Variants in PTPRM observed in about 807,000 individuals in gnomAD.
PTPRM encodes the protein protein tyrosine phosphatase receptor type M, also known as receptor-type tyrosine-protein phosphatase mu.
Under a neutral mutation model 186.7 loss-of-function variants are expected in PTPRM, and 47 were observed. The observed-to-expected ratio is 0.25, with a 90% CI of 0.20 to 0.32. The LOEUF (loss-of-function observed/expected upper bound fraction) is 0.32, where lower values mean the gene tolerates loss of function less well. Ranked by LOEUF, PTPRM falls within the 10% of genes least tolerant of loss-of-function variation. PTPRM has a pLI of 1.00. For missense variants in PTPRM, 1,494 were observed against 1,865.0 expected (o/e 0.80, Z 3.66); for synonymous variants, 668 against 674.9 (o/e 0.99, Z 0.16).
In PTPRM at chr18:8,063,915, C is replaced by G. The variant is rs536999763; in HGVS notation, c.1133-5771C>G. 1.4e-3 allele frequency among the ~76,000 whole-genome samples: 213 copies of G among 152,248 alleles called. 2 individuals carry two copies. In the South Asian group the frequency reaches 0.015, roughly 10 times the overall value. Reference sequence around the variant, plus strand: ...AAAGCATTTGGACATACTGCATTACCTAACATTCAACATTACCTAACACCA... The same window carrying G: ...AAAGCATTTGGACATACTGCATTACGTAACATTCAACATTACCTAACACCA... On this transcript the variant is annotated intron_variant, in intron 7 of 32. Coordinates refer to ENST00000580170, the MANE Select transcript of PTPRM (RefSeq NM_001105244.2).
At chr18:7,597,923 G>A (rs144626747) in intron 1 of PTPRM, among the ~76,000 whole-genome samples, 36 of 152,224 alleles carry the variant, frequency 2.4e-4, no homozygotes, top group African/African-American at 7.9e-4. Context: ...CATCTGTCAG[G>A]CCATTTATAA....
At position 8,222,664 on chromosome 18, in the gene PTPRM, A is replaced by G. The variant is rs143331630; in HGVS notation, c.2301-21394A>G. On this transcript the variant is annotated intron_variant, in intron 14 of 32. Transcript: ENST00000580170. Reference sequence around the variant, plus strand: ...TTTCCTAAAATGTAATGTCTGTCATATTATTCTCCTGCTCAGCAGGACTTT... The same window carrying G: ...TTTCCTAAAATGTAATGTCTGTCATGTTATTCTCCTGCTCAGCAGGACTTT... Among the ~76,000 whole-genome samples, 774 of 152,332 alleles carry G rather than the reference A, an allele frequency of 5.1e-3. 5 individuals carry two copies. The highest frequency in any genetic ancestry group is 7.9e-3 in the Non-Finnish European group (537 of 68,026).
chr18:8,374,914 A>G (rs2095685782), intron 24 of PTPRM, among the ~76,000 whole-genome samples: 1 of 152,232 alleles, frequency 6.6e-6, no homozygotes, highest in Non-Finnish European at 1.5e-5. Context: ...GAAAGTGATG[A>G]GGTTAATGAG....
intron 1 of PTPRM, among the ~76,000 whole-genome samples, chr18:7,752,145 T>A (rs2041247934): frequency 6.6e-6 from 1 of 152,200 alleles, no homozygotes; most frequent in South Asian, 2.1e-4. Flanking sequence ...CAGAATTAAT[T>A]AAATGTTTTT....
At chr18:8,151,706 A>AC (rs1050312833) in intron 14 of PTPRM, among the ~76,000 whole-genome samples, 2 of 151,252 alleles carry the variant, frequency 1.3e-5, no homozygotes, top group African/African-American at 4.9e-5. Context: ...AAAAAAAAAA[A>AC]AAAAAACTCC....
chr18:8,069,792 T>C lies in PTPRM; in HGVS notation c.1239T>C (p.Tyr413=). ...FGYNVTRCHS[Y]NLTVHYCYQV... Reference sequence around the variant, plus strand: ...ATAATGTAACTCGTTGCCACAGTTATAATCTCACTGTCCACTACTGTTACC... The same window carrying C: ...ATAATGTAACTCGTTGCCACAGTTACAATCTCACTGTCCACTACTGTTACC... The change falls in exon 8 of 33, where the codon TAT becomes TAC. Residue 413 remains tyrosine, a synonymous_variant. Transcript: ENST00000580170. 2 of 1,613,860 alleles carry C rather than the reference T, an allele frequency of 1.2e-6. No homozygotes were observed. Among genetic ancestry groups the C allele is most frequent in the East Asian group, 2.2e-5 (1 of 44,870 alleles).
At chr18:8,349,006 C>T (rs1377654403) in intron 23 of PTPRM, among the ~76,000 whole-genome samples, 6 of 152,124 alleles carry the variant, frequency 3.9e-5, no homozygotes, top group African/African-American at 1.4e-4. Context: ...ACCCAAGGAG[C>T]CTGCCCTAAA....
intron 28 of PTPRM, among the ~76,000 whole-genome samples, chr18:8,379,620 G>C (rs2095718886): frequency 6.6e-6 from 1 of 152,208 alleles, no homozygotes; most frequent in Admixed American, 6.5e-5. Flanking sequence ...CTGGGGAACA[G>C]GGGACACCAT....
chr18:7,920,649 A>C (rs1568015656), intron 4 of PTPRM, among the ~76,000 whole-genome samples: 1 of 152,154 alleles, frequency 6.6e-6, no homozygotes, highest in East Asian at 1.9e-4. Flanking sequence ...CTGCAGTGTT[A>C]GAATATTCTG....
chr18:7,895,640 A>G (rs977946665), intron 3 of PTPRM, among the ~76,000 whole-genome samples: 4 of 152,154 alleles, frequency 2.6e-5, no homozygotes, highest in Non-Finnish European at 2.9e-5. Context: ...GCTATTTCCC[A>G]TGACCTTCTG....
In PTPRM at chr18:7,784,859, T is replaced by G. The variant is rs78322852; in HGVS notation, c.196+10588T>G. ...TAGAAGTGGTGTTGCAAGTGAATGC[T>G]CTGGGGGAAGCTCCATTTGTCTGCT... On this transcript the variant is annotated intron_variant, in intron 2 of 32. Transcript: ENST00000580170. 4.5e-3 allele frequency among the ~76,000 whole-genome samples: 680 copies of G among 152,298 alleles called. 7 individuals carry two copies. Among genetic ancestry groups the G allele is most frequent in the African/African-American group, 0.016 (649 of 41,560 alleles).
intron 7 of PTPRM, among the ~76,000 whole-genome samples, chr18:8,038,103 G>A (rs2086450854): frequency 6.6e-6 from 1 of 152,090 alleles, no homozygotes; most frequent in Non-Finnish European, 1.5e-5. Context: ...GAATGAAGAT[G>A]TCTCCCCAAA....
chr18:7,737,465 A>G (rs1008940636), intron 1 of PTPRM, among the ~76,000 whole-genome samples: 12 of 152,210 alleles, frequency 7.9e-5, no homozygotes, highest in Non-Finnish European at 1.8e-4. Flanking sequence ...CCCGTATGTA[A>G]TCTTCCGTCT....
intron 1 of PTPRM, among the ~76,000 whole-genome samples, chr18:7,743,115 T>G (rs2040915707): frequency 1.3e-5 from 2 of 152,178 alleles, no homozygotes; most frequent in Admixed American, 1.3e-4. Flanking sequence ...TGCTTAAGCT[T>G]TAAGTTGTTC....
At chr18:8,361,363 C>A (rs2095596232) in intron 23 of PTPRM, among the ~76,000 whole-genome samples, 1 of 152,136 alleles carries the variant, frequency 6.6e-6, no homozygotes, top group Admixed American at 6.5e-5. Context: ...GAGTGCTGTT[C>A]CCTTCTCGAT....
At chr18:8,244,701 T>C (rs2094461648) in intron 15 of PTPRM, among the ~76,000 whole-genome samples, 1 of 152,232 alleles carries the variant, frequency 6.6e-6, no homozygotes, top group Admixed American at 6.5e-5. Flanking sequence ...TTCACAAGTC[T>C]TATGCTTCAT....
chr18:7,661,614 TAAAA>T (rs2038982587), intron 1 of PTPRM, among the ~76,000 whole-genome samples: 1 of 152,198 alleles, frequency 6.6e-6, no homozygotes. Flanking sequence ...AAGTCATGGA[TAAAA>T]ACCATCCAGG....
Position 8,289,478 on chromosome 18 carries a change from G to A in PTPRM, c.2755-6890G>A, listed in dbSNP as rs370535017. On this transcript the variant is annotated intron_variant, in intron 19 of 32. Transcript: ENST00000580170. ...TATATACATATATATACACACATAT[G>A]TATATATATACATATATGTATATAT... Among the ~76,000 whole-genome samples, 416 of 87,440 alleles carry A rather than the reference G, an allele frequency of 4.8e-3. 5 individuals are homozygous for A. Among genetic ancestry groups the A allele is most frequent in the Middle Eastern group, 6.9e-3 (1 of 144 alleles). The allele number at this position is 87,440 out of a possible 152,430, so 57.4% of individuals were successfully genotyped here.
intron 7 of PTPRM, among the ~76,000 whole-genome samples, chr18:8,012,477 G>T (rs12956205): frequency 5.3e-5 from 8 of 152,172 alleles, no homozygotes; most frequent in African/African-American, 1.9e-4. Flanking sequence ...GTTGCTAGGC[G>T]ATTTCATCAT....
Sources: gnomAD v4.1 joint callset for allele counts (sites outside exome capture counted in the v4.1 genomes callset) on GRCh38, gnomAD v4.1.1 for gene constraint, MANE v1.5 for transcripts, NCBI Gene and HGNC (gene_info 2026-07-23, HGNC 2026-07-21) for gene names.